The following ELMOD3 variants were observed in gnomAD, a reference collection of about 807,000 sequenced individuals.
ELMOD3 encodes ELMO domain containing 3, also known as ELMO domain-containing protein 3.
Under a neutral mutation model 47.4 loss-of-function variants are expected in ELMOD3, and 36 were observed. The ratio of observed to expected loss-of-function variants is 0.76; its 90% CI spans 0.58 to 1.00. The LOEUF is 1.00. Among genes scored for constraint, ELMOD3 ranks in the 50% least tolerant of loss-of-function variants. The probability of loss-of-function intolerance (pLI) is 0.00; values close to 1 mark genes in which losing one functional copy is unlikely to be tolerated. For missense variants in ELMOD3, 404 were observed against 463.8 expected, an observed-to-expected ratio of 0.87 and a Z score of 1.18; for synonymous variants, 149 against 183.5, an observed-to-expected ratio of 0.81 and a Z score of 1.52.
intron 6 of ELMOD3, chr2:85,367,749 A>G (rs1421414586): frequency 6.6e-6 from 1 of 152,240 alleles, no homozygotes; most frequent in Non-Finnish European, 1.5e-5. Flanking sequence ...TGATAAATCC[A>G]TCAAAAAGTC....
intron 6 of ELMOD3, among the ~76,000 whole-genome samples, chr2:85,363,814 T>C (rs935068526): frequency 4.6e-5 from 7 of 152,216 alleles, no homozygotes; most frequent in Admixed American, 3.3e-4. Context: ...GTGAGACTTA[T>C]TCACTATTAT....
chr2:85,359,555 G>A lies in ELMOD3; in HGVS notation c.54+2303G>A, dbSNP rs567076403. On this transcript the variant is annotated intron_variant, in intron 4 of 13. Transcript: ENST00000409013. ...TTCGAGTAGCTGGGATCACAGGTGTGCACCACCACGCCCGGTGTGCTAAAA... is the reference window on the plus strand; with the variant it reads ...TTCGAGTAGCTGGGATCACAGGTGTACACCACCACGCCCGGTGTGCTAAAA... Among the ~76,000 whole-genome samples the A allele has an allele frequency of 4.6e-5, 7 of 151,768 alleles. No homozygotes were observed. In the South Asian group the frequency reaches 1.3e-3, roughly 27 times the overall value.
chr2:85,362,254 A>G lies in ELMOD3; in HGVS notation c.123A>G (p.Gly41=), dbSNP rs777620422. ...DKDKSVLAFR[G]IPISELKNHG... ...ACAAGAGTGTTCTGGCTTTCAGAGG[A>G]ATCCCTGTATGTATCACCCACAACT... Residue 41 remains glycine (G), a synonymous_variant, in exon 5 of 14, where the codon GGA becomes GGG. Coordinates refer to ENST00000409013, the MANE Select transcript of ELMOD3 (RefSeq NM_001135022.2). 1.1e-4 allele frequency: 178 copies of G among 1,583,030 alleles called. 1 individual carries two copies. The Middle Eastern group carries it at 1.2e-3, about 10-fold the overall frequency.
intron 11 of ELMOD3, among the ~76,000 whole-genome samples, chr2:85,388,904 G>A (rs1334694938): frequency 6.6e-6 from 1 of 152,204 alleles, no homozygotes; most frequent in Non-Finnish European, 1.5e-5. Context: ...CTTGGTTCTT[G>A]TTCTGTACTA....
chr2:85,373,379 C>T (rs1347427578), intron 10 of ELMOD3, among the ~76,000 whole-genome samples: 2 of 152,174 alleles, frequency 1.3e-5, no homozygotes, highest in East Asian at 3.8e-4. Flanking sequence ...TTAAATGTAT[C>T]CTCTCTATAT....
At position 85,354,780 on chromosome 2, in the gene ELMOD3, A is replaced by G. The variant is rs1683424242; in HGVS notation, c.-421A>G. On this transcript the variant is annotated 5_prime_UTR_variant, in exon 1 of 14. An upstream open reading frame in the 5' UTR loses its in-frame stop. Transcript: ENST00000409013. ...AAGCGGCTGTGCGCATGAGCAGATG[A>G]GGCCTAGCCGAGGCGGCGGGACCCC... is the stretch of plus-strand genomic sequence containing the variant. The G allele has an allele frequency of 2.7e-6, 1 of 370,822 alleles. No individual in the cohort carries two copies. The highest frequency in any genetic ancestry group is 4.9e-6 in the Non-Finnish European group (1 of 203,880). 23.0% of individuals were successfully genotyped at this position (370,822 alleles called of 1,614,324 possible).
chr2:85,383,531 T>C (rs774360012), intron 11 of ELMOD3, among the ~76,000 whole-genome samples: 10 of 152,044 alleles, frequency 6.6e-5, no homozygotes, highest in Non-Finnish European at 1.2e-4. Flanking sequence ...GCTACTGGTC[T>C]CAGGCTGGTC....
At chr2:85,389,036 G>T (rs1686129045) in intron 11 of ELMOD3, among the ~76,000 whole-genome samples, 2 of 152,180 alleles carry the variant, frequency 1.3e-5, no homozygotes, top group Admixed American at 6.5e-5. Flanking sequence ...CAGGGATTTT[G>T]CAAGCTTGGT....
chr2:85,373,389 T>C (rs1434980821), intron 10 of ELMOD3, among the ~76,000 whole-genome samples: 1 of 152,214 alleles, frequency 6.6e-6, no homozygotes, highest in African/African-American at 2.4e-5. Context: ...CCTCTCTATA[T>C]ATTGAGAATC....
At chr2:85,383,889 CCT>C (rs1685752746) in intron 11 of ELMOD3, among the ~76,000 whole-genome samples, 1 of 152,178 alleles carries the variant, frequency 6.6e-6, no homozygotes, top group Non-Finnish European at 1.5e-5. Context: ...TGTGACACAG[CCT>C]CAGGAGGTGC....
chr2:85,371,382 C>T, intron 9 of ELMOD3, 58 bp from the exon 10 acceptor site: 1 of 1,608,134 alleles, frequency 6.2e-7, no homozygotes. Context: ...CTCTGAGAAG[C>T]ACCCGGTTCT....
intron 6 of ELMOD3, 138 bp from the exon 7 acceptor site, chr2:85,368,548 C>A: frequency 1.4e-6 from 1 of 715,890 alleles, no homozygotes. Flanking sequence ...CCACTGCACT[C>A]CAGCCTGGGC....
chr2:85,375,309 GCTAT>G (rs1439104279), intron 10 of ELMOD3, among the ~76,000 whole-genome samples: 2 of 152,174 alleles, frequency 1.3e-5, no homozygotes, highest in Non-Finnish European at 2.9e-5. Flanking sequence ...TGATACAAAT[GCTAT>G]CTTTGTTCAT....
At chr2:85,366,044 C>T (rs755987779) in intron 6 of ELMOD3, among the ~76,000 whole-genome samples, 3 of 152,028 alleles carry the variant, frequency 2.0e-5, no homozygotes, top group African/African-American at 4.8e-5. Flanking sequence ...CTGCAACCTC[C>T]GCCTCCCGAG....
At chr2:85,389,610 T>G in intron 11 of ELMOD3, 141 bp from the exon 12 acceptor site, 1 of 656,244 alleles carries the variant, frequency 1.5e-6, no homozygotes, top group Non-Finnish European at 2.7e-6. Flanking sequence ...AGAAGATTAT[T>G]AGGAAAATTA....
chr2:85,371,807 G>T, intron 10 of ELMOD3: 1 of 401,046 alleles, frequency 2.5e-6, no homozygotes, highest in Admixed American at 3.9e-5. Context: ...GCTGAAGAGG[G>T]CAGATTACTT....
At chr2:85,380,937 A>C (rs575145757) in intron 11 of ELMOD3, among the ~76,000 whole-genome samples, 3 of 152,366 alleles carry the variant, frequency 2.0e-5, no homozygotes, top group African/African-American at 7.2e-5. Context: ...GTTGACAAGG[A>C]AATTTGTTAT....
At chr2:85,388,978 A>C (rs1686125392) in intron 11 of ELMOD3, among the ~76,000 whole-genome samples, 1 of 152,202 alleles carries the variant, frequency 6.6e-6, no homozygotes. Flanking sequence ...ACAGGGGAAA[A>C]TAACATGTCA....
intron 11 of ELMOD3, among the ~76,000 whole-genome samples, chr2:85,383,528 G>C (rs1685731716): frequency 6.6e-6 from 1 of 151,994 alleles, no homozygotes; most frequent in Admixed American, 6.6e-5. Context: ...GAAGCTACTG[G>C]TCTCAGGCTG....
Sources: gnomAD v4.1 joint callset for allele counts (sites outside exome capture counted in the v4.1 genomes callset) on GRCh38, gnomAD v4.1.1 for gene constraint, MANE v1.5 for transcripts, NCBI Gene and HGNC (gene_info 2026-07-23, HGNC 2026-07-21) for gene names.